TARS3: variants seen among roughly 807,000 people sequenced by gnomAD.
TARS3 encodes threonine--tRNA ligase 2, cytoplasmic.
Under a neutral mutation model 103.5 loss-of-function variants are expected in TARS3, and 94 were observed. The ratio of observed to expected loss-of-function variants is 0.91; its 90% CI spans 0.77 to 1.08. The LOEUF (loss-of-function observed/expected upper bound fraction) is 1.08. Among genes scored for constraint, TARS3 ranks in the 50% least tolerant of loss-of-function variants. The pLI is 0.00. For missense variants in TARS3, 952 were observed against 995.2 expected (o/e 0.96, Z 0.58); for synonymous variants, 416 against 355.4 (o/e 1.17, Z -1.92).
chr15:101,674,511 G>A lies in TARS3; in HGVS notation c.1788+1089C>T, dbSNP rs567641295. Among the ~76,000 whole-genome samples, 3 of 152,326 alleles carry A rather than the reference G, an allele frequency of 2.0e-5. No homozygotes were observed. In the South Asian group the frequency reaches 6.2e-4, roughly 32 times the overall value. On this transcript the variant is annotated intron_variant, in intron 13 of 18. Transcript: ENST00000335968. ...TCACACTGCGAAAGTTCCAGCCACA[G>A]TGCATGAACAGTGCTTAGTTAAGAA...
chr15:101,722,487 C>G (rs1900524359), intron 2 of TARS3, among the ~76,000 whole-genome samples: 1 of 143,468 alleles, frequency 7.0e-6, no homozygotes, highest in Admixed American at 7.1e-5. Flanking sequence ...TATACAAAAG[C>G]AAAGTAGCTA....
chr15:101,714,711 T>A (rs1312325696), intron 4 of TARS3, 129 bp downstream of exon 4: 2 of 637,000 alleles, frequency 3.1e-6, no homozygotes, highest in Non-Finnish European at 2.3e-6. Context: ...TAAACATCAA[T>A]AATCAAATTT....
intron 11 of TARS3, among the ~76,000 whole-genome samples, chr15:101,685,236 G>T (rs79395398): frequency 3.9e-5 from 6 of 152,138 alleles, no homozygotes; most frequent in Admixed American, 2.6e-4. Context: ...GTTTTTTGTG[G>T]ACAATTATGC....
intron 11 of TARS3, among the ~76,000 whole-genome samples, chr15:101,685,684 A>G (rs1387909765): frequency 6.6e-6 from 1 of 152,232 alleles, no homozygotes. Context: ...AAAAAATGCA[A>G]TGGTTACCAG....
intron 1 of TARS3, among the ~76,000 whole-genome samples, chr15:101,723,651 CCAAAA>C (rs1295156616): frequency 6.6e-6 from 1 of 152,006 alleles, no homozygotes; most frequent in Non-Finnish European, 1.5e-5. Context: ...AGATGAACCA[CCAAAA>C]CAAGAGCACA....
At chr15:101,676,991 G>A (rs1898053937) in intron 12 of TARS3, among the ~76,000 whole-genome samples, 1 of 152,100 alleles carries the variant, frequency 6.6e-6, no homozygotes, top group Non-Finnish European at 1.5e-5. Context: ...CCCAGTGTGT[G>A]TTGTTCCCCT....
At chr15:101,719,520 A>G (rs890512214) in intron 3 of TARS3, among the ~76,000 whole-genome samples, 1 of 152,308 alleles carries the variant, frequency 6.6e-6, no homozygotes, top group Middle Eastern at 3.4e-3. Flanking sequence ...CATGGTATGA[A>G]TGCTTTAGCT....
At position 101,661,694 on chromosome 15, in the gene TARS3, C is replaced by G; in HGVS notation, c.2072+18G>C. 1 of 1,472,692 alleles carries G rather than the reference C, an allele frequency of 6.8e-7. No individual in the cohort carries two copies. Among genetic ancestry groups the G allele is most frequent in the Non-Finnish European group, 9.4e-7 (1 of 1,062,886 alleles). 91.2% of individuals were successfully genotyped at this position (1,472,692 alleles called of 1,614,324 possible). The stretch of plus-strand genomic sequence containing the variant: ...AAAGAATAATAGACATATAGTTTTT[C>G]TTTTCCATATCACTTACCATTTTCC... On this transcript the variant is annotated intron_variant, in intron 16 of 18. Coordinates refer to ENST00000335968, the MANE Select transcript of TARS3 (RefSeq NM_152334.3).
chr15:101,671,619 G>T, intron 14 of TARS3, 33 bp from the exon 15 acceptor site: 1 of 1,608,232 alleles, frequency 6.2e-7, no homozygotes, highest in East Asian at 2.2e-5. Flanking sequence ...TCAGAAAAGA[G>T]TATTTATTTT....
chr15:101,718,571 G>C (rs146314765), intron 3 of TARS3, among the ~76,000 whole-genome samples: 2 of 152,178 alleles, frequency 1.3e-5, no homozygotes, highest in African/African-American at 4.8e-5. Flanking sequence ...AGGAGGGACA[G>C]GCATTGATAG....
intron 10 of TARS3, among the ~76,000 whole-genome samples, chr15:101,690,373 T>C (rs1196098463): frequency 6.6e-6 from 1 of 152,222 alleles, no homozygotes; most frequent in African/African-American, 2.4e-5. Flanking sequence ...ATGTTTCATG[T>C]GGAAAAAAAT....
At chr15:101,683,290 TTTTA>T (rs1898329998) in intron 12 of TARS3, among the ~76,000 whole-genome samples, 1 of 152,250 alleles carries the variant, frequency 6.6e-6, no homozygotes, top group African/African-American at 2.4e-5. Context: ...TTTGATGTGT[TTTTA>T]TTTCATTTGT....
At chr15:101,660,219 G>A (rs1487450049) in intron 16 of TARS3, among the ~76,000 whole-genome samples, 3 of 152,236 alleles carry the variant, frequency 2.0e-5, no homozygotes, top group African/African-American at 4.8e-5. Context: ...AGTTTCTGAA[G>A]AGAGAGCTAA....
At chr15:101,718,383 T>C (rs1240054501) in intron 3 of TARS3, among the ~76,000 whole-genome samples, 1 of 151,900 alleles carries the variant, frequency 6.6e-6, no homozygotes, top group Non-Finnish European at 1.5e-5. Flanking sequence ...TAACTCTTGT[T>C]GCTTTCAGCA....
rs1480026983 is a variant in TARS3 at position 101,654,335 on chromosome 15, C to T, written c.*247G>A. ...TCACTTTCTCGATGAATAATATTTC[C>T]CCATTTAAGTTTCTCAAGGCATTGA... On this transcript the variant is annotated 3_prime_UTR_variant, in exon 19 of 19. Transcript: ENST00000335968. 2.6e-6 allele frequency: 1 copy of T among 386,652 alleles called. No homozygotes were observed. Among genetic ancestry groups the T allele is most frequent in the South Asian group, 8.2e-5 (1 of 12,130 alleles). The allele number at this position is 386,652 out of a possible 1,614,324, so 24.0% of individuals were successfully genotyped here.
At chr15:101,675,541 C>T in intron 13 of TARS3, 59 bp downstream of exon 13, 3 of 1,529,518 alleles carry the variant, frequency 2.0e-6, no homozygotes, top group Non-Finnish European at 2.7e-6. Flanking sequence ...AAGACTGCAG[C>T]CTCTCAGGTG....
chr15:101,683,850 C>T (rs62027594), intron 12 of TARS3, among the ~76,000 whole-genome samples: 23,163 of 152,160 alleles, frequency 0.15, 2,148 homozygotes, highest in Non-Finnish European at 0.21. Context: ...AAATACTCCA[C>T]TTAATGGAAT....
At chr15:101,718,132 G>C (rs762556647) in intron 3 of TARS3, among the ~76,000 whole-genome samples, 1 of 152,192 alleles carries the variant, frequency 6.6e-6, no homozygotes, top group Non-Finnish European at 1.5e-5. Context: ...ATTTTGGGAG[G>C]CTGCTGTGGG....
At chr15:101,661,254 T>A (rs565153212) in intron 16 of TARS3, among the ~76,000 whole-genome samples, 2 of 152,094 alleles carry the variant, frequency 1.3e-5, no homozygotes, top group African/African-American at 4.8e-5. Context: ...TTTGTGCCAT[T>A]TATGAATCAG....
Sources: gnomAD v4.1 joint callset for allele counts (sites outside exome capture counted in the v4.1 genomes callset) on GRCh38, gnomAD v4.1.1 for gene constraint, MANE v1.5 for transcripts, NCBI Gene and HGNC (gene_info 2026-07-23, HGNC 2026-07-21) for gene names.